The following EIF2AK4 variants were observed in gnomAD, a reference collection of about 807,000 sequenced individuals.
The protein encoded by EIF2AK4 is eukaryotic translation initiation factor 2 alpha kinase 4.
A neutral mutation model predicts 211.1 loss-of-function variants in EIF2AK4; 139 were observed. The ratio of observed to expected loss-of-function variants is 0.66; its 90% CI spans 0.57 to 0.76. The LOEUF (loss-of-function observed/expected upper bound fraction) is 0.76. Ranked by LOEUF, EIF2AK4 falls within the 30% of genes least tolerant of loss-of-function variation. The probability of loss-of-function intolerance (pLI) is 0.00; values close to 1 mark genes in which losing one functional copy is unlikely to be tolerated. For synonymous variants in EIF2AK4, 710 were observed against 751.3 expected (o/e 0.94, Z 0.90); for missense variants, 1,664 against 2,043.8 (o/e 0.81, Z 3.58).
At chr15:39,939,837 A>G (rs556331650) in intron 2 of EIF2AK4, among the ~76,000 whole-genome samples, 2 of 152,318 alleles carry the variant, frequency 1.3e-5, no homozygotes, top group Admixed American at 6.5e-5. Context: ...ACAGATACTT[A>G]TATTTGCCTA....
intron 20 of EIF2AK4, 34 bp from the exon 21 acceptor site, chr15:40,000,954 A>G: frequency 6.2e-7 from 1 of 1,603,886 alleles, no homozygotes; most frequent in East Asian, 2.2e-5. Flanking sequence ...TATCCATTGC[A>G]TCCCATTAGC....
intron 29 of EIF2AK4, 84 bp from the exon 30 acceptor site, chr15:40,019,009 G>C (rs115499220): frequency 1.0e-6 from 1 of 978,180 alleles, no homozygotes; most frequent in Non-Finnish European, 1.6e-6. Context: ...TGCTGACAGA[G>C]TGCTCACTCT....
intron 16 of EIF2AK4, chr15:39,991,142 T>A (rs2034938890): frequency 6.6e-6 from 1 of 152,094 alleles, no homozygotes; most frequent in South Asian, 2.1e-4. Flanking sequence ...CCAAGGGTGA[T>A]CAGGAAAGGA....
chr15:39,971,111 A>G (rs1326925329), intron 9 of EIF2AK4, among the ~76,000 whole-genome samples: 4 of 152,246 alleles, frequency 2.6e-5, no homozygotes, highest in African/African-American at 7.2e-5. Flanking sequence ...GTAGCTTGGC[A>G]TGGTGGTTCA....
intron 21 of EIF2AK4, 80 bp from the exon 22 acceptor site, chr15:40,002,633 A>T: frequency 6.9e-7 from 1 of 1,452,086 alleles, no homozygotes; most frequent in Non-Finnish European, 9.7e-7. Context: ...TGTAGTGCCT[A>T]CTGCAAGCCA....
At chr15:39,937,773 C>T (rs1261470367) in intron 1 of EIF2AK4, among the ~76,000 whole-genome samples, 3 of 152,144 alleles carry the variant, frequency 2.0e-5, no homozygotes, top group Non-Finnish European at 4.4e-5. Context: ...GCCACCTCCC[C>T]GTGTGCATCC....
chr15:39,957,615 T>G (rs1040757105), intron 6 of EIF2AK4, among the ~76,000 whole-genome samples: 1 of 151,252 alleles, frequency 6.6e-6, no homozygotes, highest in Non-Finnish European at 1.5e-5. Context: ...GAAATTGTTA[T>G]TCACTTGTTT....
intron 35 of EIF2AK4, among the ~76,000 whole-genome samples, chr15:40,030,855 T>G (rs1567011592): frequency 6.6e-6 from 1 of 152,238 alleles, no homozygotes; most frequent in East Asian, 1.9e-4. Flanking sequence ...TGCTAAGGGC[T>G]GTGTAAAATG....
chr15:39,950,104 CTAAGTA>C (rs777702345), intron 4 of EIF2AK4, among the ~76,000 whole-genome samples: 56 of 151,882 alleles, frequency 3.7e-4, no homozygotes, highest in Non-Finnish European at 4.9e-4. Context: ...TAAAAAAAGC[CTAAGTA>C]TATTTTTCTT....
chr15:39,994,123 G>T (rs182065366), intron 18 of EIF2AK4, among the ~76,000 whole-genome samples: 1 of 152,250 alleles, frequency 6.6e-6, no homozygotes. Context: ...TCAGTTTGAG[G>T]CATGTTAGTT....
intron 20 of EIF2AK4, among the ~76,000 whole-genome samples, chr15:39,999,624 T>C (rs2035065564): frequency 6.6e-6 from 1 of 152,222 alleles, no homozygotes; most frequent in Non-Finnish European, 1.5e-5. Flanking sequence ...GATTAAGTAC[T>C]CTTTATTTAT....
intron 20 of EIF2AK4, among the ~76,000 whole-genome samples, chr15:39,999,063 GA>G (rs572102808): frequency 2.3e-4 from 32 of 141,362 alleles, no homozygotes; most frequent in South Asian, 6.8e-4. Context: ...CTTAGCTGTT[GA>G]AAAAAAAAAA....
At chr15:39,944,600 T>A (rs948637475) in intron 3 of EIF2AK4, among the ~76,000 whole-genome samples, 1 of 151,778 alleles carries the variant, frequency 6.6e-6, no homozygotes, top group South Asian at 2.1e-4. Flanking sequence ...CCCGGCTAAT[T>A]TTTTTTGTAT....
In EIF2AK4 at chr15:39,934,293, T is replaced by A; in HGVS notation, c.98T>A (p.Ile33Asn). Residue 33 changes from isoleucine to asparagine, a missense_variant, in exon 1 of 39, where the codon ATT becomes AAT. Physicochemically the swap from Ile to Asn is moderately radical, Grantham distance 149. Around this residue, in one of 7 missense-constraint regions of EIF2AK4, gnomAD observed 641 missense variants for 729.6 expected, o/e 0.88. Transcript: ENST00000263791. ...QDHELQALEA[I>N]YGADFQDLRP... ...CACGAGCTACAGGCCCTGGAGGCCATTTACGGCGCGGACTTCCAAGACCTG... is the reference window on the plus strand; with the variant it reads ...CACGAGCTACAGGCCCTGGAGGCCAATTACGGCGCGGACTTCCAAGACCTG... The A allele has an allele frequency of 1.9e-6, 3 of 1,612,236 alleles. No homozygotes were observed. Among genetic ancestry groups the A allele is most frequent in the Non-Finnish European group, 2.5e-6 (3 of 1,179,174 alleles).
intron 18 of EIF2AK4, among the ~76,000 whole-genome samples, chr15:39,995,521 C>T (rs1425740964): frequency 1.3e-5 from 2 of 152,190 alleles, no homozygotes; most frequent in African/African-American, 4.8e-5. Context: ...GCCATCTTCT[C>T]CTTCGTGGCA....
At chr15:39,981,890 TC>T (rs1195426310) in intron 13 of EIF2AK4, among the ~76,000 whole-genome samples, 6 of 151,050 alleles carry the variant, frequency 4.0e-5, no homozygotes, top group Admixed American at 4.0e-4. Context: ...AGCATGTACC[TC>T]TGAGGGCAGT....
At chr15:39,983,989 T>TA (rs2034830357) in intron 13 of EIF2AK4, among the ~76,000 whole-genome samples, 1 of 152,238 alleles carries the variant, frequency 6.6e-6, no homozygotes, top group Non-Finnish European at 1.5e-5. Context: ...TTTTAGGTCT[T>TA]ACATTTAAGT....
chr15:39,978,504 T>C (rs1486304818), intron 13 of EIF2AK4, among the ~76,000 whole-genome samples: 1 of 152,232 alleles, frequency 6.6e-6, no homozygotes, highest in Non-Finnish European at 1.5e-5. Context: ...TACCTCATCA[T>C]GGAGTTACCT....
At position 40,001,219 on chromosome 15, in the gene EIF2AK4, C is replaced by A; in HGVS notation, c.3154C>A (p.Leu1052Met). ...CGATTACACCTATGACAGCGACATA[C>A]TGAAGGTGGGCTTAAGCCACGCTGC... ...AIDYTYDSDI[L>M]KGNFSIRTAK... is the part of the protein sequence containing the mutation. Residue 1052 changes from leucine (L) to methionine (M), a missense_variant, in exon 21 of 39, where the codon CTG (leucine) becomes ATG (methionine). Leu to Met is a conservative substitution (Grantham distance 15). This residue lies in a region of EIF2AK4 where 622 missense variants were observed against 796.8 expected (regional missense o/e 0.78). Coordinates refer to ENST00000263791, the MANE Select transcript of EIF2AK4 (RefSeq NM_001013703.4). 1 of 1,613,004 alleles carries A rather than the reference C, an allele frequency of 6.2e-7. No homozygotes were observed. The highest frequency in any genetic ancestry group is 1.1e-5 in the South Asian group (1 of 91,006).
Sources: gnomAD v4.1 joint callset for allele counts (sites outside exome capture counted in the v4.1 genomes callset) on GRCh38, gnomAD v4.1.1 for gene constraint, gnomAD v4.1.1 regional missense constraint, MANE v1.5 for transcripts, NCBI Gene and HGNC (gene_info 2026-07-23, HGNC 2026-07-21) for gene names.